Variants in CDH8 observed in about 807,000 individuals in gnomAD.
The protein encoded by CDH8 is cadherin-8.
A neutral mutation model predicts 68.1 loss-of-function variants in CDH8; 17 were observed. The observed-to-expected ratio is 0.25, with a 90% confidence interval of 0.17 to 0.37. The LOEUF (loss-of-function observed/expected upper bound fraction) is 0.37. Among genes scored for constraint, CDH8 ranks in the 10% least tolerant of loss-of-function variants. The pLI is 1.00. For synonymous variants in CDH8, 372 were observed against 365.1 expected, an observed-to-expected ratio of 1.02 and a Z score of -0.21; for missense variants, 763 against 999.3, an observed-to-expected ratio of 0.76 and a Z score of 3.19.
chr16:61,800,111 T>A (rs994208387), intron 7 of CDH8, among the ~76,000 whole-genome samples: 4 of 152,186 alleles, frequency 2.6e-5, no homozygotes, highest in African/African-American at 9.6e-5. Context: ...GGTTTCACCA[T>A]GTTGCCTAGG....
intron 1 of CDH8, chr16:62,035,170 T>A (rs150790509): frequency 1.3e-5 from 2 of 152,388 alleles, no homozygotes; most frequent in East Asian, 1.9e-4. Context: ...AGGTCCCTTA[T>A]GAACCTCTTA....
chr16:62,020,204 T>C (rs1902037948), intron 2 of CDH8, among the ~76,000 whole-genome samples: 1 of 152,200 alleles, frequency 6.6e-6, no homozygotes. Context: ...CTCCTATTTT[T>C]CTTTTAAATC....
chr16:61,771,978 G>A (rs1960789878), intron 8 of CDH8, among the ~76,000 whole-genome samples: 1 of 151,904 alleles, frequency 6.6e-6, no homozygotes, highest in Non-Finnish European at 1.5e-5. Context: ...CAACAGGTGT[G>A]GAACAGACTT....
intron 10 of CDH8, among the ~76,000 whole-genome samples, chr16:61,703,826 C>T (rs1308354312): frequency 6.6e-6 from 1 of 151,274 alleles, no homozygotes; most frequent in Non-Finnish European, 1.5e-5. Flanking sequence ...GGGCCACAGA[C>T]TCCATATAAA....
At chr16:61,934,580 A>C (rs1434639190) in intron 2 of CDH8, among the ~76,000 whole-genome samples, 1 of 152,190 alleles carries the variant, frequency 6.6e-6, no homozygotes, top group African/African-American at 2.4e-5. Context: ...ATAAAGTCAA[A>C]ACAGAACTCT....
At chr16:61,779,423 T>TTGTGTG (rs1377776424) in intron 8 of CDH8, among the ~76,000 whole-genome samples, 33 of 64,118 alleles carry the variant, frequency 5.1e-4, no homozygotes, top group African/African-American at 1.5e-3. Flanking sequence ...TAATGTTCGT[T>TTGTGTG]TATGTGTGTG....
chr16:61,784,986 G>A (rs1961200880), intron 8 of CDH8, among the ~76,000 whole-genome samples: 1 of 150,170 alleles, frequency 6.7e-6, no homozygotes, highest in Admixed American at 6.6e-5. Flanking sequence ...GAGAAAGCAG[G>A]AAAGATCCAA....
intron 4 of CDH8, among the ~76,000 whole-genome samples, chr16:61,836,105 T>C (rs1962562530): frequency 6.6e-6 from 1 of 151,974 alleles, no homozygotes; most frequent in African/African-American, 2.4e-5. Flanking sequence ...GTTAATGTGG[T>C]CCTAATGCCT....
At chr16:61,732,851 A>C (rs1163013388) in intron 8 of CDH8, among the ~76,000 whole-genome samples, 1 of 151,824 alleles carries the variant, frequency 6.6e-6, no homozygotes, top group East Asian at 1.9e-4. Context: ...TCAAAATGTA[A>C]TATGTTTGCC....
chr16:61,989,244 A>G lies in CDH8; in HGVS notation c.252+31908T>C, dbSNP rs115185076. 5.7e-3 allele frequency among the ~76,000 whole-genome samples: 874 copies of G among 152,332 alleles called. 9 individuals carry two copies. The highest frequency in any genetic ancestry group is 0.02 in the African/African-American group (839 of 41,580). The stretch of plus-strand genomic sequence containing the variant: ...CAAATTTGTATTCTTTGGCAAGGGT[A>G]ACGACATGCTTTTGGTACATTGTTA... On this transcript the variant is annotated intron_variant, in intron 2 of 11. Transcript: ENST00000577390.
At chr16:61,827,910 T>A (rs1962376659) in intron 4 of CDH8, among the ~76,000 whole-genome samples, 1 of 151,690 alleles carries the variant, frequency 6.6e-6, no homozygotes, top group South Asian at 2.1e-4. Context: ...ACACAAACAG[T>A]CGATTAACAT....
At chr16:61,820,846 A>G in intron 6 of CDH8, 80 bp downstream of exon 6, 1 of 1,218,806 alleles carries the variant, frequency 8.2e-7, no homozygotes, top group Non-Finnish European at 1.2e-6. Context: ...TCTGCCAGGA[A>G]CTCCACACAA....
intron 8 of CDH8, among the ~76,000 whole-genome samples, chr16:61,772,196 C>T (rs1170315311): frequency 1.3e-5 from 2 of 152,036 alleles, no homozygotes; most frequent in Admixed American, 6.6e-5. Context: ...CATGCAGTTA[C>T]TTCAGTGGGG....
intron 2 of CDH8, among the ~76,000 whole-genome samples, chr16:61,902,942 C>G (rs1440227212): frequency 6.6e-6 from 1 of 152,012 alleles, no homozygotes; most frequent in Non-Finnish European, 1.5e-5. Flanking sequence ...GATTATAATT[C>G]ATTAATGTGA....
At chr16:61,735,378 A>T (rs1272849030) in intron 8 of CDH8, among the ~76,000 whole-genome samples, 13 of 152,252 alleles carry the variant, frequency 8.5e-5, no homozygotes, top group African/African-American at 3.1e-4. Context: ...ATGCGACATT[A>T]ATGTGGTTGT....
intron 2 of CDH8, among the ~76,000 whole-genome samples, chr16:61,986,958 C>T (rs919178586): frequency 3.3e-5 from 5 of 152,132 alleles, no homozygotes; most frequent in South Asian, 2.1e-4. Context: ...ACTGATTATT[C>T]GCAACAATAA....
chr16:61,811,646 C>T (rs758291667), intron 7 of CDH8, among the ~76,000 whole-genome samples: 12 of 152,220 alleles, frequency 7.9e-5, no homozygotes, highest in African/African-American at 2.2e-4. Flanking sequence ...ACAACCTAAA[C>T]GTTCATTGAT....
intron 4 of CDH8, 52 bp from the exon 5 acceptor site, chr16:61,825,231 T>A: frequency 6.8e-7 from 1 of 1,465,662 alleles, no homozygotes; most frequent in Non-Finnish European, 9.4e-7. Flanking sequence ...AATTCAAAAA[T>A]GAAAGTGTTA....
At chr16:61,746,592 CA>C in intron 8 of CDH8, among the ~76,000 whole-genome samples, 3 of 145,706 alleles carry the variant, frequency 2.1e-5, no homozygotes, top group African/African-American at 7.9e-5. Context: ...CACACACACA[CA>C]CATTATGATG....
Sources: gnomAD v4.1 joint callset for allele counts (sites outside exome capture counted in the v4.1 genomes callset) on GRCh38, gnomAD v4.1.1 for gene constraint, MANE v1.5 for transcripts, NCBI Gene and HGNC (gene_info 2026-07-23, HGNC 2026-07-21) for gene names.